The following AK9 variants were observed in gnomAD, a reference collection of about 807,000 sequenced individuals.
The protein encoded by AK9 is adenylate kinase 9, also known as adenylate kinase domain containing 1.
AK9 carries 191 observed loss-of-function variants against 239.6 expected under a neutral mutation model. The ratio of observed to expected loss-of-function variants is 0.80; its 90% CI spans 0.71 to 0.90. AK9 has a LOEUF of 0.90. Ranked by LOEUF, AK9 falls within the 40% of genes least tolerant of loss-of-function variation. AK9 has a pLI of 0.00. For synonymous variants in AK9, 689 were observed against 721.0 expected, an observed-to-expected ratio of 0.96 and a Z score of 0.71; for missense variants, 1,995 against 2,214.7, an observed-to-expected ratio of 0.90 and a Z score of 1.99.
chr6:109,531,694 C>T (rs893434498), intron 28 of AK9, among the ~76,000 whole-genome samples: 14 of 152,132 alleles, frequency 9.2e-5, no homozygotes, highest in Admixed American at 3.3e-4. Context: ...ATTCCAGGCC[C>T]CACAGTGAGA....
At chr6:109,569,940 A>G (rs1483829341) in intron 21 of AK9, among the ~76,000 whole-genome samples, 1 of 152,178 alleles carries the variant, frequency 6.6e-6, no homozygotes, top group African/African-American at 2.4e-5. Flanking sequence ...GCACATACCC[A>G]AAGGATTACA....
chr6:109,555,112 G>T (rs905368659), intron 24 of AK9, among the ~76,000 whole-genome samples: 1 of 151,996 alleles, frequency 6.6e-6, no homozygotes, highest in Non-Finnish European at 1.5e-5. Flanking sequence ...TTAGGGTGTC[G>T]ATTTGAGATC....
chr6:109,588,364 C>T (rs1054594318), intron 17 of AK9, among the ~76,000 whole-genome samples: 3 of 152,154 alleles, frequency 2.0e-5, no homozygotes, highest in Non-Finnish European at 4.4e-5. Context: ...CCACCGCGCC[C>T]GGCTGTTTGC....
intron 12 of AK9, among the ~76,000 whole-genome samples, chr6:109,625,842 C>T (rs941926698): frequency 3.9e-5 from 6 of 152,114 alleles, no homozygotes; most frequent in Non-Finnish European, 5.9e-5. Flanking sequence ...CTTCTTGGAC[C>T]TGTAAGTCAA....
At chr6:109,560,279 G>A (rs1009896696) in intron 24 of AK9, among the ~76,000 whole-genome samples, 1 of 151,888 alleles carries the variant, frequency 6.6e-6, no homozygotes, top group African/African-American at 2.4e-5. Flanking sequence ...TCTTTTCCTT[G>A]TCTGAATGCA....
intron 26 of AK9, among the ~76,000 whole-genome samples, chr6:109,544,085 C>T (rs746543286): frequency 2.0e-5 from 3 of 152,090 alleles, no homozygotes; most frequent in African/African-American, 2.4e-5. Flanking sequence ...CACCACTGCA[C>T]TCTGGCCTGG....
chr6:109,550,642 A>G (rs1323261794), intron 24 of AK9: 1 of 169,778 alleles, frequency 5.9e-6, no homozygotes, highest in Admixed American at 6.2e-5. Context: ...ATTATTCCCT[A>G]AAAGTAAAAG....
At chr6:109,627,465 A>T (rs573881321) in intron 12 of AK9, among the ~76,000 whole-genome samples, 117 of 152,298 alleles carry the variant, frequency 7.7e-4, no homozygotes, top group African/African-American at 2.6e-3. Context: ...TGTATGTGCT[A>T]TGCTTTTATA....
intron 27 of AK9, among the ~76,000 whole-genome samples, chr6:109,539,667 A>T (rs939234464): frequency 6.6e-6 from 1 of 152,064 alleles, no homozygotes; most frequent in Non-Finnish European, 1.5e-5. Context: ...CCTTTGGAGG[A>T]GGAGAGGCGC....
rs1320319953 is a variant in AK9, at chr6:109,493,252, C to G, written c.*117G>C. ...ACCTGAAGTCTGGCAGCCATGGTAC[C>G]TTGCTCAGGAGGCAAAAGTACTTCC... On this transcript the variant is annotated 3_prime_UTR_variant, in exon 41 of 41. Coordinates refer to ENST00000424296, the MANE Select transcript of AK9 (RefSeq NM_001145128.3). 3.8e-6 allele frequency: 4 copies of G among 1,060,914 alleles called. No individual in the cohort carries two copies. The highest frequency in any genetic ancestry group is 2.4e-5 in the East Asian group (1 of 41,920). 65.7% of individuals were successfully genotyped at this position (1,060,914 alleles called of 1,614,324 possible). A position where few individuals can be genotyped will look rare whatever the true frequency, so the allele number is the denominator to read the frequency against.
At chr6:109,509,056 A>T in intron 33 of AK9, 123 bp downstream of exon 33, 1 of 1,040,372 alleles carries the variant, frequency 9.6e-7, no homozygotes, top group Non-Finnish European at 1.4e-6. Flanking sequence ...CCAGAGTTTG[A>T]GAGAAGTAGA....
At chr6:109,681,474 T>C (rs1258808945) in intron 1 of AK9, among the ~76,000 whole-genome samples, 1 of 152,154 alleles carries the variant, frequency 6.6e-6, no homozygotes, top group Non-Finnish European at 1.5e-5. Flanking sequence ...CAGAGAGACT[T>C]AGACTCCCAC....
intron 20 of AK9, among the ~76,000 whole-genome samples, 200 bp from the exon 21 acceptor site, chr6:109,573,794 C>G (rs1787723587): frequency 6.6e-6 from 1 of 152,112 alleles, no homozygotes; most frequent in African/African-American, 2.4e-5. Context: ...TAGTCATCTG[C>G]TCAGAGTTCT....
intron 17 of AK9, among the ~76,000 whole-genome samples, chr6:109,588,592 T>C (rs1268882952): frequency 1.3e-5 from 2 of 152,238 alleles, no homozygotes; most frequent in Non-Finnish European, 2.9e-5. Context: ...TTCATTTAAT[T>C]ACGTCCTATT....
chr6:109,566,828 T>G (rs1329678031), intron 21 of AK9, among the ~76,000 whole-genome samples: 1 of 152,152 alleles, frequency 6.6e-6, no homozygotes, highest in Non-Finnish European at 1.5e-5. Context: ...CCTGAATGAC[T>G]ACTGGGTACA....
At chr6:109,548,179 G>A (rs1783841267) in intron 25 of AK9, among the ~76,000 whole-genome samples, 1 of 152,070 alleles carries the variant, frequency 6.6e-6, no homozygotes, top group African/African-American at 2.4e-5. Flanking sequence ...AAAAATATGA[G>A]GGGTCTTCGA....
intron 26 of AK9, 48 bp downstream of exon 26, chr6:109,545,819 A>G (rs1333513386): frequency 2.6e-6 from 4 of 1,551,602 alleles, no homozygotes; most frequent in Non-Finnish European, 3.5e-6. Flanking sequence ...AACAACAATA[A>G]CAACAGCAAA....
At chr6:109,508,618 G>A (rs1778358336) in intron 33 of AK9, among the ~76,000 whole-genome samples, 1 of 152,196 alleles carries the variant, frequency 6.6e-6, no homozygotes, top group Admixed American at 6.5e-5. Context: ...CTGTGCTCAA[G>A]ACCAGGGCTT....
chr6:109,583,041 G>A (rs1040302529), intron 19 of AK9, among the ~76,000 whole-genome samples: 1 of 152,244 alleles, frequency 6.6e-6, no homozygotes, highest in East Asian at 1.9e-4. Flanking sequence ...TAATGCTATT[G>A]CACACTTAAT....
Sources: gnomAD v4.1 joint callset for allele counts (sites outside exome capture counted in the v4.1 genomes callset) on GRCh38, gnomAD v4.1.1 for gene constraint, MANE v1.5 for transcripts, NCBI Gene and HGNC (gene_info 2026-07-23, HGNC 2026-07-21) for gene names.